Variants in GBP1 observed in about 807,000 individuals in gnomAD.
GBP1 encodes guanylate-binding protein 1.
Under a neutral mutation model 69.5 loss-of-function variants are expected in GBP1, and 64 were observed. The ratio of observed to expected loss-of-function variants is 0.92; its 90% confidence interval spans 0.75 to 1.13. GBP1 has a LOEUF of 1.13. Ranked by LOEUF, GBP1 falls within the 50% of genes most tolerant of loss-of-function variation. GBP1 has a pLI of 0.00. For missense variants in GBP1, 630 were observed against 704.1 expected, an observed-to-expected ratio of 0.89 and a Z score of 1.19; for synonymous variants, 250 against 261.2, an observed-to-expected ratio of 0.96 and a Z score of 0.41.
chr1:89,064,154 A>G (rs1375978101), intron 1 of GBP1, among the ~76,000 whole-genome samples: 1 of 147,348 alleles, frequency 6.8e-6, no homozygotes, highest in Admixed American at 6.8e-5. Context: ...GAGAAATAGA[A>G]AGAGGAGGAA....
chr1:89,056,740 A>T, intron 7 of GBP1, 114 bp downstream of exon 7: 1 of 1,213,906 alleles, frequency 8.2e-7, no homozygotes, highest in Non-Finnish European at 1.2e-6. Context: ...TGTTGTTTTC[A>T]CCATTATGGA....
intron 5 of GBP1, 23 bp downstream of exon 5, chr1:89,058,818 T>G (rs371231361): frequency 1.7e-5 from 27 of 1,610,430 alleles, no homozygotes; most frequent in Non-Finnish European, 1.1e-5. Flanking sequence ...CATCCTCATT[T>G]ATCAGTTGAA....
At chr1:89,061,482 A>C (rs545804198) in intron 2 of GBP1, among the ~76,000 whole-genome samples, 60 of 152,286 alleles carry the variant, frequency 3.9e-4, no homozygotes, top group Non-Finnish European at 8.1e-4. Flanking sequence ...TTGGGCTATT[A>C]CCTTATAACT....
intron 5 of GBP1, 86 bp from the exon 6 acceptor site, chr1:89,058,320 G>A (rs1680097839): frequency 8.6e-7 from 1 of 1,158,982 alleles, no homozygotes; most frequent in Non-Finnish European, 1.2e-6. Context: ...AGGCTCTTCA[G>A]GCTGGATGGT....
chr1:89,060,148 A>G (rs1414607821), intron 3 of GBP1, 49 bp downstream of exon 3: 3 of 1,526,420 alleles, frequency 2.0e-6, no homozygotes, highest in Non-Finnish European at 2.6e-6. Flanking sequence ...GCTGCATAAA[A>G]TATTCAGAGA....
chr1:89,057,245 C>T (rs1317257159), intron 6 of GBP1, 111 bp from the exon 7 acceptor site: 1 of 1,427,462 alleles, frequency 7.0e-7, no homozygotes, highest in Non-Finnish European at 9.6e-7. Flanking sequence ...TCAATGTCCT[C>T]AGCATCACTT....
rs754859824 is a variant in GBP1, at chr1:89,055,065, A to G, written c.1471+48T>C. The G allele has an allele frequency of 3.2e-6, 5 of 1,563,012 alleles. No homozygotes were observed. The Admixed American group carries it at 6.0e-5, about 19-fold the overall frequency. On this transcript the variant is annotated intron_variant, in intron 9 of 10. Coordinates refer to ENST00000370473, the MANE Select transcript of GBP1 (RefSeq NM_002053.3). ...CATGTTTATCCAGTCAAGTTATTTC[A>G]ATTTTTGGAGCTTTTGAGGCCATCT...
rs375720732 is a variant in GBP1 at position 89,062,140 on chromosome 1, G to A, written c.190+905C>T. ...AAAAGTTAACATGCAATGACTGCAT[G>A]AGCCAGCAATTCCCCTTCTGGGTAT... On this transcript the variant is annotated intron_variant, in intron 2 of 10. Transcript: ENST00000370473. Among the ~76,000 whole-genome samples the A allele has an allele frequency of 3.3e-5, 5 of 152,304 alleles. No individual in the cohort carries two copies. The East Asian group carries it at 9.6e-4, about 29-fold the overall frequency.
chr1:89,056,357 G>A (rs1159635026), intron 7 of GBP1, 129 bp from the exon 8 acceptor site: 1 of 1,473,058 alleles, frequency 6.8e-7, no homozygotes, highest in East Asian at 2.4e-5. Context: ...TCCTCACCAG[G>A]ACCACACTCT....
Position 89,063,044 on chromosome 1 carries a change from C to T in GBP1, c.190+1G>A, listed in dbSNP as rs746650507. ...GGCAGAGCTTTGCTCATGCCACTCA[C>T]CCTTTTTCTTTCCAGCCAGCTTGTT... On this transcript the variant is annotated splice_donor_variant, in intron 2 of 10. Coordinates refer to ENST00000370473, the MANE Select transcript of GBP1 (RefSeq NM_002053.3). LOFTEE classifies it high-confidence loss of function. The T allele has an allele frequency of 1.9e-6, 3 of 1,614,046 alleles. No homozygotes were observed. The highest frequency in any genetic ancestry group is 1.7e-6 in the Non-Finnish European group (2 of 1,179,928).
At chr1:89,055,256 C>G (rs1221236712) in intron 8 of GBP1, 41 bp from the exon 9 acceptor site, 7 of 1,611,024 alleles carry the variant, frequency 4.3e-6, no homozygotes, top group Non-Finnish European at 5.9e-6. Context: ...TAGGAAATGG[C>G]TGTAAGCAGG....
At chr1:89,059,247 T>G in intron 4 of GBP1, 70 bp downstream of exon 4, 1 of 1,613,916 alleles carries the variant, frequency 6.2e-7, no homozygotes, top group Non-Finnish European at 8.5e-7. Flanking sequence ...GGATTCACAG[T>G]CAGGCAGCTG....
intron 1 of GBP1, among the ~76,000 whole-genome samples, chr1:89,064,419 C>T (rs1680285121): frequency 6.6e-6 from 1 of 151,992 alleles, no homozygotes; most frequent in Non-Finnish European, 1.5e-5. Context: ...AGATGCATTA[C>T]AGGAGAATTA....
chr1:89,052,700 T>C lies in GBP1; in HGVS notation c.*655A>G, dbSNP rs1557746470. On this transcript the variant is annotated 3_prime_UTR_variant, in exon 11 of 11. Transcript: ENST00000370473. ...TTGTCTAATGGTCTAAAGTGTCCCATTGAAGTTATAATCTGGATGAACTGA... is the reference window on the plus strand; with the variant it reads ...TTGTCTAATGGTCTAAAGTGTCCCACTGAAGTTATAATCTGGATGAACTGA... 1 of 152,248 alleles carries C rather than the reference T, an allele frequency of 6.6e-6. No homozygotes were observed. Among genetic ancestry groups the C allele is most frequent in the African/African-American group, 2.4e-5 (1 of 41,454 alleles). The allele number at this position is 152,248 out of a possible 1,614,324, so 9.4% of individuals were successfully genotyped here. A position where few individuals can be genotyped will look rare whatever the true frequency, so the allele number is the denominator to read the frequency against.
chr1:89,058,971 A>G lies in GBP1; in HGVS notation c.501T>C (p.Asp167=), dbSNP rs1680113405. Residue 167 remains aspartate (D), a synonymous_variant, in exon 5 of 11, where the codon GAT becomes GAC. Coordinates refer to ENST00000370473, the MANE Select transcript of GBP1 (RefSeq NM_002053.3). ...SPDENENEVE[D]SADFVSFFPD... ...GGAAGAAGCTCACAAAGTCAGCTGA[A>G]TCCTCAACCTCATTCTCATTCTCAT... The G allele has an allele frequency of 1.2e-6, 2 of 1,614,090 alleles. No individual in the cohort carries two copies. The highest frequency in any genetic ancestry group is 2.2e-5 in the East Asian group (1 of 44,890).
At position 89,056,095 on chromosome 1, in the gene GBP1, G is replaced by T; in HGVS notation, c.1289C>A (p.Pro430Gln). ...CTGAACAAAGAGACGATAGCCCCCT[G>T]GTTTCGAATAAATTCCCGCCTTCAC... Reference protein sequence around the residue: ...EEVKAGIYSKPGGYRLFVQKL... With the variant: ...EEVKAGIYSKQGGYRLFVQKL... The change falls in exon 8 of 11, where the codon CCA becomes CAA. Residue 430 changes from proline to glutamine, a missense_variant. Pro to Gln is a moderately conservative substitution (Grantham distance 76). This residue lies in a region of GBP1 where 367 missense variants were observed against 369.5 expected (regional missense o/e 0.99). Transcript: ENST00000370473. The T allele has an allele frequency of 6.2e-7, 1 of 1,613,856 alleles. No individual in the cohort carries two copies. The highest frequency in any genetic ancestry group is 8.5e-7 in the Non-Finnish European group (1 of 1,179,826).
intron 8 of GBP1, 25 bp downstream of exon 8, chr1:89,055,991 T>A: frequency 1.9e-6 from 3 of 1,613,834 alleles, no homozygotes; most frequent in Non-Finnish European, 2.5e-6. Context: ...CAGCTTTCCA[T>A]AATTGACAGA....
In GBP1 at chr1:89,055,106, T is replaced by G. The variant is rs1342762698; in HGVS notation, c.1471+7A>C. 2.5e-6 allele frequency: 4 copies of G among 1,607,350 alleles called. No individual in the cohort carries two copies. In the African/African-American group the frequency reaches 5.4e-5, roughly 22 times the overall value. ...GAGGCCATCTAATCTCTTAACTCAC[T>G]CCTCACCTTCAATCTCCTTTTCTTT... On this transcript the variant is annotated splice_region_variant and intron_variant, in intron 9 of 10. Coordinates refer to ENST00000370473, the MANE Select transcript of GBP1 (RefSeq NM_002053.3).
chr1:89,061,170 A>G (rs1217880256), intron 2 of GBP1, among the ~76,000 whole-genome samples: 1 of 152,188 alleles, frequency 6.6e-6, no homozygotes, highest in African/African-American at 2.4e-5. Flanking sequence ...ACTTTGTATA[A>G]ATAGAAAAAT....
Sources: allele counts gnomAD v4.1 joint callset (sites outside exome capture counted in the v4.1 genomes callset), GRCh38; gene constraint gnomAD v4.1.1; regional missense constraint gnomAD v4.1.1; transcripts MANE v1.5; gene names NCBI Gene and HGNC (gene_info 2026-07-23, HGNC 2026-07-21).